Variants in ZNF69 observed in about 807,000 individuals in gnomAD.
ZNF69 encodes the protein zinc finger protein 69.
In ZNF69, 47 loss-of-function variants were observed where a neutral mutation model predicts 50.9. That is an observed-to-expected ratio of 0.92 (90% CI 0.73 to 1.18). ZNF69 has a LOEUF of 1.18. ZNF69 is among the 50% of genes most tolerant of loss of function. ZNF69 has a pLI of 0.00. For missense variants in ZNF69, 717 were observed against 675.1 expected, an observed-to-expected ratio of 1.06 and a Z score of -0.69; for synonymous variants, 216 against 223.1, an observed-to-expected ratio of 0.97 and a Z score of 0.29.
chr19:11,928,503 C>T, the ZNF69 span, among the ~76,000 whole-genome samples: 8 of 149,410 alleles, frequency 5.4e-5, no homozygotes, highest in East Asian at 1.9e-4. Context: ...GAGGCCGAGG[C>T]GGGCGGATCA....
the ZNF69 span, chr19:11,978,912 C>A: frequency 6.2e-7 from 1 of 1,614,154 alleles, no homozygotes; most frequent in East Asian, 2.2e-5. Flanking sequence ...CTATCTTAGA[C>A]ATAAAAGGAG....
At chr19:11,965,352 G>A in the ZNF69 span, 2 of 1,192,854 alleles carry the variant, frequency 1.7e-6, no homozygotes, top group African/African-American at 1.5e-5. Flanking sequence ...CTCGGCCCTC[G>A]GTCCCCTCGG....
intron 1 of ZNF69, among the ~76,000 whole-genome samples, 161 bp from the exon 2 acceptor site, chr19:11,903,412 A>G (rs999749102): frequency 4.6e-5 from 7 of 152,214 alleles, no homozygotes; most frequent in African/African-American, 1.2e-4. Context: ...CTGTCTCAAA[A>G]AAAAGAATTG....
intron 1 of ZNF69, among the ~76,000 whole-genome samples, chr19:11,897,871 C>CAAAAAA (rs564395635): frequency 1.6e-5 from 1 of 63,380 alleles, no homozygotes; most frequent in African/African-American, 5.5e-5. Context: ...GACTCCATCT[C>CAAAAAA]AAAAAAAAAA....
intron 1 of ZNF69, among the ~76,000 whole-genome samples, chr19:11,889,223 G>A (rs1251383398): frequency 6.6e-6 from 1 of 152,150 alleles, no homozygotes; most frequent in Non-Finnish European, 1.5e-5. Context: ...CTTGTCTTGC[G>A]TGGCCTTAGG....
chr19:11,962,243 G>A, the ZNF69 span, among the ~76,000 whole-genome samples: 4 of 152,150 alleles, frequency 2.6e-5, no homozygotes, highest in Admixed American at 6.5e-5. Flanking sequence ...ATGGTGAAAC[G>A]CTGTCTCTAC....
At chr19:11,888,268 G>A (rs1168625523) in intron 1 of ZNF69, among the ~76,000 whole-genome samples, 1 of 152,244 alleles carries the variant, frequency 6.6e-6, no homozygotes, top group Non-Finnish European at 1.5e-5. Context: ...GATTGTGCGG[G>A]GGCCACGGGA....
At chr19:11,958,726 A>G in the ZNF69 span, among the ~76,000 whole-genome samples, 2 of 152,158 alleles carry the variant, frequency 1.3e-5, no homozygotes, top group Non-Finnish European at 1.5e-5. Flanking sequence ...AAGCTTGGGA[A>G]TGTGTAACTA....
Position 11,903,578 on chromosome 19 carries a change from A to T in ZNF69, c.69A>T (p.Pro23=), listed in dbSNP as rs1026117087. 10 of 1,614,012 alleles carry T rather than the reference A, an allele frequency of 6.2e-6. 1 individual carries two copies. In the Admixed American group the frequency reaches 1.3e-4, roughly 22 times the overall value. The stretch of plus-strand genomic sequence containing the variant: ...ACACATGTGAGATGTTTCAGGACCC[A>T]GTGGCCTTTGATGATGTTGCTGTGA... ...PGTSESQEMD[P]VAFDDVAVNF... Residue 23 remains proline (P), a synonymous_variant, in exon 2 of 4, where the codon CCA becomes CCT. Coordinates refer to ENST00000429654, the MANE Select transcript of ZNF69 (RefSeq NM_001364730.1).
chr19:11,942,213 C>T, the ZNF69 span, among the ~76,000 whole-genome samples: 5 of 150,850 alleles, frequency 3.3e-5, no homozygotes, highest in East Asian at 9.7e-4. Flanking sequence ...TGGGTGGTCC[C>T]TGGGGGTGTG....
chr19:11,950,158 G>A, the ZNF69 span: 1 of 1,613,860 alleles, frequency 6.2e-7, no homozygotes, highest in African/African-American at 1.3e-5. Context: ...ATGCGGAAAA[G>A]CATTCAATTA....
downstream of ZNF69, among the ~76,000 whole-genome samples, chr19:11,914,669 C>T (rs752756615): frequency 5.3e-5 from 8 of 152,142 alleles, no homozygotes; most frequent in East Asian, 3.9e-4. Context: ...TATTATGCAA[C>T]GGCTTAGAAC....
chr19:11,892,106 C>G (rs1977105010), intron 1 of ZNF69, among the ~76,000 whole-genome samples: 1 of 150,174 alleles, frequency 6.7e-6, no homozygotes, highest in South Asian at 2.1e-4. Context: ...GTAGCTGAGA[C>G]TACAGTCGCC....
At chr19:11,945,385 C>A in the ZNF69 span, among the ~76,000 whole-genome samples, 1 of 152,172 alleles carries the variant, frequency 6.6e-6, no homozygotes, top group Non-Finnish European at 1.5e-5. Context: ...CTTGATTGAC[C>A]AAGCACAAGT....
the ZNF69 span, among the ~76,000 whole-genome samples, chr19:11,933,343 A>C: frequency 6.7e-6 from 1 of 148,350 alleles, no homozygotes; most frequent in South Asian, 2.1e-4. Flanking sequence ...ACATGTGAAC[A>C]CGATGAAAAT....
chr19:11,937,311 G>A, the ZNF69 span, among the ~76,000 whole-genome samples: 1 of 152,026 alleles, frequency 6.6e-6, no homozygotes, highest in African/African-American at 2.4e-5. Flanking sequence ...AGGTGTTTCA[G>A]TACCATTTGT....
chr19:11,935,417 A>C, the ZNF69 span, among the ~76,000 whole-genome samples: 3 of 151,598 alleles, frequency 2.0e-5, no homozygotes, highest in Admixed American at 6.6e-5. Flanking sequence ...TTGTATTTTT[A>C]GTTGAGACTG....
At chr19:11,926,331 A>G in the ZNF69 span, among the ~76,000 whole-genome samples, 1 of 152,268 alleles carries the variant, frequency 6.6e-6, no homozygotes, top group East Asian at 1.9e-4. Context: ...GAGGCACTCA[A>G]TTTTCAGGGT....
At chr19:11,938,547 C>T in the ZNF69 span, among the ~76,000 whole-genome samples, 1 of 152,148 alleles carries the variant, frequency 6.6e-6, no homozygotes, top group African/African-American at 2.4e-5. Context: ...ATCCATGTCC[C>T]TACAAAGGAC....
Sources: allele counts gnomAD v4.1 joint callset (sites outside exome capture counted in the v4.1 genomes callset), GRCh38; gene constraint gnomAD v4.1.1; transcripts MANE v1.5; gene names NCBI Gene and HGNC (gene_info 2026-07-23, HGNC 2026-07-21).